Variants in C7orf78 observed in about 807,000 individuals in gnomAD.
C7orf78 encodes putative uncharacterized protein C7orf78.
chr7:12,526,210 C>A, the C7orf78 span, among the ~76,000 whole-genome samples: 1 of 152,058 alleles, frequency 6.6e-6, no homozygotes, highest in Non-Finnish European at 1.5e-5. Context: ...GGCTTCACTG[C>A]CCCAAATCAC....
the C7orf78 span, among the ~76,000 whole-genome samples, chr7:12,534,462 A>G: frequency 2.0e-5 from 3 of 152,236 alleles, no homozygotes; most frequent in Admixed American, 2.0e-4. Context: ...CACTATCTAT[A>G]AAGAAAAAAT....
chr7:12,523,374 G>T, the C7orf78 span: 11 of 398,258 alleles, frequency 2.8e-5, no homozygotes, highest in South Asian at 1.3e-3. Context: ...GTGAAGAGTG[G>T]ACAATATCCA....
chr7:12,503,625 A>G, the C7orf78 span, among the ~76,000 whole-genome samples: 2 of 151,262 alleles, frequency 1.3e-5, no homozygotes, highest in African/African-American at 4.9e-5. Context: ...TTTTTTAATT[A>G]TACTTTAAGT....
At chr7:12,519,016 G>C in the C7orf78 span, among the ~76,000 whole-genome samples, 8 of 152,256 alleles carry the variant, frequency 5.3e-5, no homozygotes, top group Admixed American at 1.3e-4. Flanking sequence ...GGCACAGGGA[G>C]TCTCCAGTTC....
At chr7:12,507,174 G>T in the C7orf78 span, 4,252 of 231,246 alleles carry the variant, frequency 0.018, 71 homozygotes, top group Non-Finnish European at 0.023. Flanking sequence ...GGGCATGGTG[G>T]CAGACAACTG....
chr7:12,508,607 G>T, the C7orf78 span, among the ~76,000 whole-genome samples: 7 of 152,222 alleles, frequency 4.6e-5, no homozygotes, highest in South Asian at 1.5e-3. Context: ...CTAAATCAGG[G>T]TGAAACCAAT....
the C7orf78 span, among the ~76,000 whole-genome samples, chr7:12,527,581 G>C: frequency 2.9e-3 from 319 of 110,794 alleles, no homozygotes; most frequent in African/African-American, 6.1e-3. Context: ...AGCTTTCCTA[G>C]TATATGCTAA....
At chr7:12,499,418 G>A in the C7orf78 span, among the ~76,000 whole-genome samples, 1 of 151,000 alleles carries the variant, frequency 6.6e-6, no homozygotes, top group East Asian at 2.0e-4. Flanking sequence ...AAAAAAGGCA[G>A]GGGTTGCAAT....
At chr7:12,529,016 C>T in the C7orf78 span, 1 of 398,368 alleles carries the variant, frequency 2.5e-6, no homozygotes, top group African/African-American at 2.1e-5. Flanking sequence ...ACGAAAGCCC[C>T]ATGGCCTGTT....
At chr7:12,514,241 A>G in the C7orf78 span, among the ~76,000 whole-genome samples, 1 of 152,108 alleles carries the variant, frequency 6.6e-6, no homozygotes, top group African/African-American at 2.4e-5. Flanking sequence ...TGTTGGGTGC[A>G]CATATACCTA....
chr7:12,484,396 C>A, the C7orf78 span, among the ~76,000 whole-genome samples: 7 of 152,280 alleles, frequency 4.6e-5, no homozygotes, highest in African/African-American at 1.4e-4. Flanking sequence ...ATTAAATTTA[C>A]ATAAGTTACC....
At chr7:12,486,769 A>G in the C7orf78 span, among the ~76,000 whole-genome samples, 9 of 152,054 alleles carry the variant, frequency 5.9e-5, no homozygotes, top group Admixed American at 2.6e-4. Flanking sequence ...TGTTCTGCAT[A>G]TCGGATAATA....
chr7:12,517,973 C>T, the C7orf78 span, among the ~76,000 whole-genome samples: 1 of 151,968 alleles, frequency 6.6e-6, no homozygotes, highest in Non-Finnish European at 1.5e-5. Context: ...TTTCTGTGTC[C>T]CTACATATCT....
the C7orf78 span, among the ~76,000 whole-genome samples, chr7:12,490,424 A>C: frequency 1.3e-5 from 2 of 152,238 alleles, no homozygotes; most frequent in South Asian, 4.1e-4. Context: ...CTGGTTTGCT[A>C]TTCATAAGGT....
At chr7:12,541,615 T>A in the C7orf78 span, 3 of 150,698 alleles carry the variant, frequency 2.0e-5, no homozygotes, top group Non-Finnish European at 4.4e-5. Flanking sequence ...TTTTCAGGAA[T>A]CATAGGATAC....
the C7orf78 span, among the ~76,000 whole-genome samples, chr7:12,520,878 T>C: frequency 6.6e-6 from 1 of 152,206 alleles, no homozygotes; most frequent in Non-Finnish European, 1.5e-5. Context: ...GATCAAATAA[T>C]ATTTGTTTTA....
the C7orf78 span, among the ~76,000 whole-genome samples, chr7:12,535,000 A>AAGGAAGGC: frequency 2.0e-5 from 3 of 151,238 alleles, no homozygotes; most frequent in African/African-American, 7.3e-5. Context: ...GGAAGGAAGG[A>AAGGAAGGC]AGGAAGGAAG....
the C7orf78 span, among the ~76,000 whole-genome samples, chr7:12,495,540 G>A: frequency 2.0e-5 from 3 of 152,098 alleles, no homozygotes; most frequent in African/African-American, 7.2e-5. Context: ...GTTATTTCCA[G>A]TTTGGAAATC....
chr7:12,540,778 G>A, the C7orf78 span: 4 of 152,334 alleles, frequency 2.6e-5, no homozygotes, highest in African/African-American at 9.6e-5. Flanking sequence ...TATTTCTGTA[G>A]TGAATAAGAG....
Sources: gnomAD v4.1 joint callset for allele counts (sites outside exome capture counted in the v4.1 genomes callset) on GRCh38, gnomAD v4.1.1 for gene constraint, MANE v1.5 for transcripts, NCBI Gene and HGNC (gene_info 2026-07-23, HGNC 2026-07-21) for gene names.